TRAK1: variants seen among roughly 807,000 people sequenced by gnomAD.
TRAK1 encodes the protein trafficking kinesin protein 1, also known as trafficking kinesin-binding protein 1.
In TRAK1, 33 loss-of-function variants were observed where a neutral mutation model predicts 92.1. The observed-to-expected ratio is 0.36, with a 90% CI of 0.27 to 0.48. TRAK1 has a LOEUF of 0.48. TRAK1 is among the 20% of genes least tolerant of loss of function. The pLI is 0.99. For missense variants in TRAK1, 1,123 were observed against 1,257.9 expected, an observed-to-expected ratio of 0.89 and a Z score of 1.62; for synonymous variants, 521 against 517.3, an observed-to-expected ratio of 1.01 and a Z score of -0.10.
chr3:42,097,085 A>C (rs1007854548), intron 1 of TRAK1, among the ~76,000 whole-genome samples: 1 of 152,202 alleles, frequency 6.6e-6, no homozygotes, highest in African/African-American at 2.4e-5. Context: ...GGGAACATAT[A>C]CTAAACATAT....
In TRAK1 at chr3:42,184,507, A is replaced by G. The variant is rs555357562; in HGVS notation, c.364-178A>G. Among the ~76,000 whole-genome samples, 5 of 152,198 alleles carry G rather than the reference A, an allele frequency of 3.3e-5. No homozygotes were observed. In the South Asian group the frequency reaches 1.0e-3, roughly 32 times the overall value. On this transcript the variant is annotated intron_variant, in intron 3 of 15. Coordinates refer to ENST00000327628, the MANE Select transcript of TRAK1 (RefSeq NM_001042646.3). Reference sequence around the variant, plus strand: ...GATGTCTGTGTAGCTCTCACACACTATGTGGGCAGAGGTTATGCCTGTTTT... The same window carrying G: ...GATGTCTGTGTAGCTCTCACACACTGTGTGGGCAGAGGTTATGCCTGTTTT...
At chr3:42,157,463 A>C (rs2149284144) in intron 2 of TRAK1, among the ~76,000 whole-genome samples, 1 of 133,584 alleles carries the variant, frequency 7.5e-6, no homozygotes, top group Non-Finnish European at 1.6e-5. Context: ...GTCTCAAAAA[A>C]AAAAAAAAAA....
chr3:42,031,477 TAA>T (rs1329085590), intron 1 of TRAK1, among the ~76,000 whole-genome samples: 1 of 151,144 alleles, frequency 6.6e-6, no homozygotes, highest in Non-Finnish European at 1.5e-5. Context: ...CCACAAAAAA[TAA>T]AAAAGTTAGC....
chr3:42,211,722 A>G, intron 14 of TRAK1: 1 of 985,046 alleles, frequency 1.0e-6, no homozygotes, highest in South Asian at 4.7e-5. Flanking sequence ...CTTGGAGGAT[A>G]GAGAGAGAGA....
chr3:42,144,815 T>G (rs4974006), intron 2 of TRAK1, among the ~76,000 whole-genome samples: 121,904 of 152,106 alleles, frequency 0.8, 49,015 homozygotes, highest in East Asian at 0.99. Flanking sequence ...GAGAAAACAT[T>G]TGCAAAGAGA....
At chr3:42,033,438 C>T (rs1702221046) in intron 1 of TRAK1, among the ~76,000 whole-genome samples, 1 of 152,114 alleles carries the variant, frequency 6.6e-6, no homozygotes, top group African/African-American at 2.4e-5. Context: ...AAAAATTTAA[C>T]ATTAGCCAGG....
intron 1 of TRAK1, among the ~76,000 whole-genome samples, chr3:42,100,865 C>T (rs1319651343): frequency 6.6e-6 from 1 of 152,144 alleles, no homozygotes; most frequent in Non-Finnish European, 1.5e-5. Flanking sequence ...GACAGGGTTT[C>T]ACCATATTGG....
At chr3:42,125,657 C>A in intron 2 of TRAK1, 43 bp downstream of exon 2, 1 of 1,599,186 alleles carries the variant, frequency 6.3e-7, no homozygotes, top group South Asian at 1.1e-5. Flanking sequence ...GTATCATGAT[C>A]AGGTCTTCTT....
chr3:42,220,075 T>C (rs1009665697), intron 15 of TRAK1, among the ~76,000 whole-genome samples: 12 of 152,086 alleles, frequency 7.9e-5, no homozygotes, highest in Non-Finnish European at 1.8e-4. Context: ...CTAAAGTCTG[T>C]TGGATTTTTT....
intron 1 of TRAK1, among the ~76,000 whole-genome samples, chr3:42,040,867 C>T (rs1336147806): frequency 1.3e-5 from 2 of 151,904 alleles, no homozygotes; most frequent in South Asian, 2.1e-4. Context: ...TTAGTAGAGA[C>T]GGGGTTTCAC....
intron 2 of TRAK1, among the ~76,000 whole-genome samples, chr3:42,169,623 A>G (rs890143342): frequency 1.3e-5 from 2 of 151,374 alleles, no homozygotes; most frequent in Non-Finnish European, 2.9e-5. Context: ...GTGAGCTGAG[A>G]TCGCGCCATT....
At chr3:42,095,932 C>A (rs1705854212) in intron 1 of TRAK1, among the ~76,000 whole-genome samples, 1 of 152,180 alleles carries the variant, frequency 6.6e-6, no homozygotes, top group East Asian at 1.9e-4. Flanking sequence ...AGCTAGCTAG[C>A]CTGTTCTACC....
At chr3:42,162,970 C>T (rs1373894648) in intron 2 of TRAK1, among the ~76,000 whole-genome samples, 1 of 152,202 alleles carries the variant, frequency 6.6e-6, no homozygotes, top group East Asian at 1.9e-4. Context: ...TTATGCACTT[C>T]CTAAGTACTT....
chr3:42,188,236 A>G (rs1705182985), intron 5 of TRAK1, 91 bp downstream of exon 5: 1 of 1,199,878 alleles, frequency 8.3e-7, no homozygotes, highest in Admixed American at 1.7e-5. Flanking sequence ...GGTCACCTTC[A>G]GCAGCAATGG....
intron 3 of TRAK1, among the ~76,000 whole-genome samples, chr3:42,181,052 A>G (rs1224147353): frequency 6.6e-6 from 1 of 152,138 alleles, no homozygotes; most frequent in Non-Finnish European, 1.5e-5. Context: ...AGGTAGGACA[A>G]AGGACTTCAT....
chr3:42,098,465 C>G (rs1559762049), intron 1 of TRAK1, among the ~76,000 whole-genome samples: 1 of 152,036 alleles, frequency 6.6e-6, no homozygotes, highest in Non-Finnish European at 1.5e-5. Context: ...GAATTATTAG[C>G]TGGAGTTAAA....
intron 1 of TRAK1, among the ~76,000 whole-genome samples, chr3:42,046,596 A>G (rs1041058252): frequency 6.6e-6 from 1 of 152,190 alleles, no homozygotes; most frequent in Non-Finnish European, 1.5e-5. Context: ...TGACTTTAGT[A>G]TCCCCACTGC....
intron 4 of TRAK1, among the ~76,000 whole-genome samples, chr3:42,186,001 G>T (rs9286742): frequency 0.49 from 11,989 of 24,330 alleles, 1,922 homozygotes; most frequent in African/African-American, 0.52. Flanking sequence ...TTTTTTTTTT[G>T]AGATAAGGTC....
At chr3:42,045,832 T>C (rs1553097) in intron 1 of TRAK1, among the ~76,000 whole-genome samples, 12,896 of 152,236 alleles carry the variant, frequency 0.085, 612 homozygotes, top group Non-Finnish European at 0.11. Flanking sequence ...GCCAAGACTC[T>C]TTTACCTGGG....
Sources: gnomAD v4.1 joint callset for allele counts (sites outside exome capture counted in the v4.1 genomes callset) on GRCh38, gnomAD v4.1.1 for gene constraint, MANE v1.5 for transcripts, NCBI Gene and HGNC (gene_info 2026-07-23, HGNC 2026-07-21) for gene names.